KAZN: variants seen among roughly 807,000 people sequenced by gnomAD.
The protein encoded by KAZN is kazrin, periplakin interacting protein.
Under a neutral mutation model 87.4 loss-of-function variants are expected in KAZN, and 40 were observed. The observed-to-expected ratio is 0.46, with a 90% CI of 0.36 to 0.60. The LOEUF (loss-of-function observed/expected upper bound fraction) is 0.60, where lower values mean the gene tolerates loss of function less well. Among genes scored for constraint, KAZN ranks in the 20% least tolerant of loss-of-function variants. The pLI is 0.00. For missense variants in KAZN, 898 were observed against 1,073.9 expected (o/e 0.84, Z 2.29); for synonymous variants, 466 against 458.3 (o/e 1.02, Z -0.22).
Position 14,735,088 on chromosome 1 carries a change from C to CTCGCTCTT in KAZN, c.226+135870_226+135877dup, listed in dbSNP as rs1294199961. Among the ~76,000 whole-genome samples, 1 of 150,980 alleles carries CTCGCTCTT rather than the reference C, an allele frequency of 6.6e-6. No individual in the cohort carries two copies. The highest frequency in any genetic ancestry group is 1.5e-5 in the Non-Finnish European group (1 of 68,028). On this transcript the variant is annotated intron_variant, in intron 1 of 14. Transcript: ENST00000376030. This position sits in a 1 kb window ranked among gnomAD's most constrained non-coding sequence, Gnocchi z 4.3. ...TTTTTGTTTTGTTTTGAGACGGAGTCTCGCTCTTTCGCCCAGGCCGGACTG... is the reference window on the plus strand; with the variant it reads ...TTTTTGTTTTGTTTTGAGACGGAGTCTCGCTCTTTCGCTCTTTCGCCCAGGCCGGACTG...
intron 1 of KAZN, among the ~76,000 whole-genome samples, chr1:14,638,126 G>A (rs74061204): frequency 0.021 from 3,144 of 152,158 alleles, 119 homozygotes; most frequent in African/African-American, 0.072. Context: ...ATTAGACCAG[G>A]GCCCACCCTC....
rs190537956 is a variant in KAZN at position 14,201,473 on chromosome 1, C to T, written c.249+20881C>T. 1.5e-3 allele frequency among the ~76,000 whole-genome samples: 233 copies of T among 152,296 alleles called. 2 individuals are homozygous for T. Among genetic ancestry groups the T allele is most frequent in the Non-Finnish European group, 1.0e-3 (68 of 68,020 alleles). ...CCCCGGAGCAGCTGGTGGAGCCTGGCGGCTGCTCCCCAGGTCAAACCACCT... is the reference window on the plus strand; with the variant it reads ...CCCCGGAGCAGCTGGTGGAGCCTGGTGGCTGCTCCCCAGGTCAAACCACCT... On this transcript the variant is annotated intron_variant, in intron 2 of 16. Transcript: ENST00000636203.
intron 1 of KAZN, among the ~76,000 whole-genome samples, chr1:13,926,805 TC>T (rs758600375): frequency 5.3e-4 from 81 of 152,206 alleles, no homozygotes; most frequent in Non-Finnish European, 8.5e-4. Flanking sequence ...TAAAATAGCA[TC>T]CTCCATATTT....
At chr1:14,369,004 G>A (rs936204438) in intron 2 of KAZN, among the ~76,000 whole-genome samples, 2 of 152,110 alleles carry the variant, frequency 1.3e-5, no homozygotes, top group Non-Finnish European at 2.9e-5. Flanking sequence ...TCAAACAGTG[G>A]CTAATAGGGA....
chr1:14,259,899 C>G (rs10492981), intron 2 of KAZN, among the ~76,000 whole-genome samples: 33,563 of 152,140 alleles, frequency 0.22, 3,959 homozygotes, highest in Middle Eastern at 0.33. Flanking sequence ...ATTGATCACT[C>G]TCCCCTTGAA....
chr1:14,211,445 C>T (rs947368351), intron 2 of KAZN, among the ~76,000 whole-genome samples: 5 of 152,094 alleles, frequency 3.3e-5, no homozygotes, highest in South Asian at 2.1e-4. Context: ...AGGATGGTCT[C>T]GATCTTGTGA....
chr1:14,385,742 C>G (rs1331794547), intron 2 of KAZN, among the ~76,000 whole-genome samples: 1 of 150,056 alleles, frequency 6.7e-6, no homozygotes, highest in Non-Finnish European at 1.5e-5. Flanking sequence ...ACTATGTGGT[C>G]AATTTTGGAA....
intron 1 of KAZN, among the ~76,000 whole-genome samples, chr1:14,713,795 A>AAG (rs1553215141): frequency 2.4e-3 from 293 of 121,746 alleles, no homozygotes; most frequent in Middle Eastern, 8.4e-3. Flanking sequence ...AAAAAAAAAA[A>AAG]AAAAAGAAAG....
intron 1 of KAZN, among the ~76,000 whole-genome samples, chr1:14,857,897 A>G (rs956123292): frequency 7.9e-5 from 12 of 152,098 alleles, no homozygotes; most frequent in Admixed American, 7.9e-4. Context: ...TTCTTAACCA[A>G]TTTTAGAGCA....
intron 2 of KAZN, among the ~76,000 whole-genome samples, chr1:14,481,134 G>A (rs1365393183): frequency 1.3e-5 from 2 of 151,914 alleles, no homozygotes; most frequent in Non-Finnish European, 2.9e-5. Flanking sequence ...ACATGGTCAG[G>A]AGAGGGCTGC....
intron 1 of KAZN, among the ~76,000 whole-genome samples, chr1:14,132,309 A>G (rs1024495531): frequency 2.6e-5 from 4 of 152,162 alleles, no homozygotes; most frequent in African/African-American, 9.6e-5. Context: ...GGCTTCAGAT[A>G]AAGGCCTGAG....
At chr1:14,050,161 C>T (rs55847696) in intron 1 of KAZN, among the ~76,000 whole-genome samples, 25,618 of 149,762 alleles carry the variant, frequency 0.17, 2,373 homozygotes, top group Non-Finnish European at 0.22. Flanking sequence ...TGCTTGTGCG[C>T]GTGTGTGGGT....
chr1:14,569,559 A>G (rs1208496420), intron 2 of KAZN, among the ~76,000 whole-genome samples: 2 of 151,292 alleles, frequency 1.3e-5, no homozygotes. Context: ...CCTGACCTCA[A>G]GATCTGCCCG....
chr1:14,456,173 G>A (rs572714064), intron 2 of KAZN, among the ~76,000 whole-genome samples: 1 of 152,264 alleles, frequency 6.6e-6, no homozygotes, highest in South Asian at 2.1e-4. Flanking sequence ...GTAACACATT[G>A]CCCCCCAAAC....
chr1:14,038,220 G>A lies in KAZN; in HGVS notation c.92-142215G>A, dbSNP rs904163043. ...GTATTTAGAAGGTACTAAAGGATAT[G>A]AGTAAAGCAGAGCAGGAAAGGGATC... On this transcript the variant is annotated intron_variant, in intron 1 of 16. Transcript: ENST00000636203. 7.9e-5 allele frequency among the ~76,000 whole-genome samples: 12 copies of A among 152,330 alleles called. No homozygotes were observed. The East Asian group carries it at 2.1e-3, about 27-fold the overall frequency.
intron 1 of KAZN, among the ~76,000 whole-genome samples, chr1:14,771,717 TC>T (rs1645024940): frequency 6.6e-6 from 1 of 151,368 alleles, no homozygotes; most frequent in African/African-American, 2.5e-5. Context: ...TCCTAGCTAC[TC>T]GTGTGGCTGA....
intron 1 of KAZN, among the ~76,000 whole-genome samples, chr1:14,805,715 C>A (rs148735810): frequency 1.3e-5 from 2 of 151,250 alleles, no homozygotes; most frequent in African/African-American, 2.4e-5. Flanking sequence ...GAGCAGAGAT[C>A]GCGCCAATGC....
chr1:15,037,232 A>G (rs1465127056), intron 3 of KAZN, among the ~76,000 whole-genome samples: 1 of 152,110 alleles, frequency 6.6e-6, no homozygotes, highest in African/African-American at 2.4e-5. Flanking sequence ...CCTCTTTTTT[A>G]TTGGGGACAG....
intron 4 of KAZN, among the ~76,000 whole-genome samples, chr1:15,054,528 T>C (rs1674734424): frequency 6.6e-6 from 1 of 151,996 alleles, no homozygotes; most frequent in South Asian, 2.1e-4. Context: ...GGCAGGCGCC[T>C]GTAATCCCAG....
Sources: gnomAD v4.1 joint callset for allele counts (sites outside exome capture counted in the v4.1 genomes callset) on GRCh38, gnomAD v4.1.1 for gene constraint, Gnocchi (gnomAD v3.1) non-coding constraint, MANE v1.5 for transcripts, NCBI Gene and HGNC (gene_info 2026-07-23, HGNC 2026-07-21) for gene names.